GRIN2B: variants seen among roughly 807,000 people sequenced by gnomAD.
The protein encoded by GRIN2B is glutamate receptor ionotropic, NMDA 2B.
In GRIN2B, 5 loss-of-function variants were observed where a neutral mutation model predicts 114.5. The observed-to-expected ratio is 0.04, with a 90% CI of 0.02 to 0.09. The LOEUF is 0.09. GRIN2B is among the 10% of genes least tolerant of loss of function. The pLI is 1.00. For synonymous variants in GRIN2B, 787 were observed against 745.1 expected, an observed-to-expected ratio of 1.06 and a Z score of -0.92; for missense variants, 1,108 against 1,943.5, an observed-to-expected ratio of 0.57 and a Z score of 8.08.
chr12:13,707,093 A>G (rs1428793651), intron 4 of GRIN2B, among the ~76,000 whole-genome samples: 1 of 152,018 alleles, frequency 6.6e-6, no homozygotes, highest in African/African-American at 2.4e-5. Context: ...ATGGTAAAAA[A>G]CACAAGATCG....
intron 8 of GRIN2B, among the ~76,000 whole-genome samples, chr12:13,614,713 C>G (rs1389315968): frequency 6.6e-6 from 1 of 152,172 alleles, no homozygotes; most frequent in Admixed American, 6.5e-5. Flanking sequence ...TCAATGATAT[C>G]CAGAATTAGA....
At chr12:13,915,895 C>G (rs575730426) in intron 2 of GRIN2B, among the ~76,000 whole-genome samples, 1 of 151,970 alleles carries the variant, frequency 6.6e-6, no homozygotes, top group Non-Finnish European at 1.5e-5. Context: ...TGGCTATTTC[C>G]AGTGCCCTTC....
At chr12:13,822,773 A>T (rs1225046386) in intron 3 of GRIN2B, among the ~76,000 whole-genome samples, 1 of 130,472 alleles carries the variant, frequency 7.7e-6, no homozygotes, top group Non-Finnish European at 1.6e-5. Context: ...ATCTTTTGAT[A>T]TAGGAACAAA....
At chr12:13,861,716 C>A (rs766100165) in intron 3 of GRIN2B, among the ~76,000 whole-genome samples, 1 of 152,190 alleles carries the variant, frequency 6.6e-6, no homozygotes, top group African/African-American at 2.4e-5. Flanking sequence ...CCACCTCACA[C>A]TTCAGAGCCT....
At chr12:13,909,938 T>A (rs956436837) in intron 2 of GRIN2B, among the ~76,000 whole-genome samples, 1 of 152,088 alleles carries the variant, frequency 6.6e-6, no homozygotes, top group Non-Finnish European at 1.5e-5. Context: ...AAATACTACC[T>A]CCTACAGTTT....
chr12:13,881,331 G>A (rs955609225), intron 2 of GRIN2B, among the ~76,000 whole-genome samples: 9 of 152,046 alleles, frequency 5.9e-5, no homozygotes, highest in Admixed American at 1.3e-4. Flanking sequence ...AGCACCTGGC[G>A]GTCTCCTTCG....
intron 2 of GRIN2B, among the ~76,000 whole-genome samples, chr12:13,925,515 T>C (rs983834321): frequency 6.6e-6 from 1 of 152,148 alleles, no homozygotes; most frequent in Non-Finnish European, 1.5e-5. Flanking sequence ...TGTTTATGGC[T>C]CAGCAGGTCA....
At chr12:13,936,198 G>A (rs912726754) in intron 2 of GRIN2B, among the ~76,000 whole-genome samples, 1 of 152,178 alleles carries the variant, frequency 6.6e-6, no homozygotes, top group Non-Finnish European at 1.5e-5. Flanking sequence ...ACCCATTACA[G>A]TGTTAAAGGT....
chr12:13,846,765 T>C (rs1865479383), intron 3 of GRIN2B, among the ~76,000 whole-genome samples: 2 of 151,922 alleles, frequency 1.3e-5, no homozygotes, highest in Admixed American at 1.3e-4. Context: ...AGTGAGGTGA[T>C]GATAAATGAG....
At chr12:13,848,324 A>G (rs1865502164) in intron 3 of GRIN2B, among the ~76,000 whole-genome samples, 1 of 152,150 alleles carries the variant, frequency 6.6e-6, no homozygotes, top group Non-Finnish European at 1.5e-5. Context: ...TTAGTGTTAC[A>G]GACTGAAAGG....
intron 2 of GRIN2B, among the ~76,000 whole-genome samples, chr12:13,914,909 GC>G (rs1866687202): frequency 6.6e-6 from 1 of 152,088 alleles, no homozygotes; most frequent in Non-Finnish European, 1.5e-5. Flanking sequence ...ATTACCAGAG[GC>G]CAGGAAGGGT....
At chr12:13,701,421 A>G (rs1950311252) in intron 4 of GRIN2B, among the ~76,000 whole-genome samples, 1 of 151,610 alleles carries the variant, frequency 6.6e-6, no homozygotes, top group South Asian at 2.1e-4. Flanking sequence ...AAAGTACCAC[A>G]TTGGTCTCCC....
chr12:13,756,966 T>C (rs767430825), intron 3 of GRIN2B, among the ~76,000 whole-genome samples: 1 of 152,202 alleles, frequency 6.6e-6, no homozygotes, highest in Non-Finnish European at 1.5e-5. Flanking sequence ...AGGAAGCCAA[T>C]GCATAATGAG....
intron 5 of GRIN2B, among the ~76,000 whole-genome samples, chr12:13,627,681 C>T (rs1052646648): frequency 6.6e-6 from 1 of 152,210 alleles, no homozygotes; most frequent in Admixed American, 6.5e-5. Flanking sequence ...CAGGGCCAAT[C>T]GGCTAGAGTT....
rs1005421874 is a variant in GRIN2B at position 13,753,997 on chromosome 12, T to C, written c.412-82A>G. On this transcript the variant is annotated intron_variant, in intron 3 of 13. Transcript: ENST00000609686. This position sits in a 1 kb window ranked among gnomAD's most constrained non-coding sequence, Gnocchi z 6.2. ...TAATGGAGATTTTGAACCAAGTGGG[T>C]ACAAAGATTTGTGTTCATTACTTAT... The C allele has an allele frequency of 3.8e-5, 31 of 821,408 alleles. No individual in the cohort carries two copies. In the South Asian group the frequency reaches 3.9e-4, roughly 10 times the overall value. 50.9% of individuals were successfully genotyped at this position (821,408 alleles called of 1,614,324 possible).
At chr12:13,711,034 A>T (rs1215720477) in intron 4 of GRIN2B, among the ~76,000 whole-genome samples, 2 of 152,168 alleles carry the variant, frequency 1.3e-5, no homozygotes, top group African/African-American at 4.8e-5. Flanking sequence ...ACAGAGATAT[A>T]GACCAATGGA....
intron 4 of GRIN2B, among the ~76,000 whole-genome samples, chr12:13,747,059 C>T (rs983596201): frequency 6.6e-6 from 1 of 151,602 alleles, no homozygotes; most frequent in East Asian, 1.9e-4. Flanking sequence ...TGAACTTTAT[C>T]GAAATGCAAA....
chr12:13,805,218 G>A (rs1017968344), intron 3 of GRIN2B, among the ~76,000 whole-genome samples: 3 of 152,078 alleles, frequency 2.0e-5, no homozygotes, highest in Admixed American at 1.3e-4. Context: ...GCGCAGAAAG[G>A]TGCAATGACT....
chr12:13,829,534 T>G (rs1159791499), intron 3 of GRIN2B, among the ~76,000 whole-genome samples: 1 of 152,262 alleles, frequency 6.6e-6, no homozygotes, highest in Non-Finnish European at 1.5e-5. Flanking sequence ...CTCCCACTCC[T>G]GCTTTATCAT....
Sources: allele counts gnomAD v4.1 joint callset (sites outside exome capture counted in the v4.1 genomes callset), GRCh38; gene constraint gnomAD v4.1.1; non-coding constraint Gnocchi (gnomAD v3.1); transcripts MANE v1.5; gene names NCBI Gene and HGNC (gene_info 2026-07-23, HGNC 2026-07-21).